The following MAP3K19 variants were observed in gnomAD, a reference collection of about 807,000 sequenced individuals.
MAP3K19 encodes mitogen-activated protein kinase kinase kinase 19.
MAP3K19 carries 91 observed loss-of-function variants against 114.4 expected under a neutral mutation model. That is an observed-to-expected ratio of 0.80 (90% CI 0.67 to 0.95). The LOEUF (loss-of-function observed/expected upper bound fraction) is 0.95. Ranked by LOEUF, MAP3K19 falls within the 40% of genes least tolerant of loss-of-function variation. The pLI, the probability that MAP3K19 is intolerant of heterozygous loss-of-function variation, is 0.00. For synonymous variants in MAP3K19, 518 were observed against 530.5 expected (o/e 0.98, Z 0.32); for missense variants, 1,471 against 1,573.2 (o/e 0.94, Z 1.10).
At position 135,042,515 on chromosome 2, in the gene MAP3K19, A is replaced by AG. The variant is rs1243771193; in HGVS notation, c.-423-2014_-423-2013insC. 4.3e-3 allele frequency among the ~76,000 whole-genome samples: 631 copies of AG among 147,882 alleles called. 4 individuals are homozygous for AG. The highest frequency in any genetic ancestry group is 0.013 in the African/African-American group (518 of 39,876). The stretch of plus-strand genomic sequence containing the variant: ...AGACTCTGTCTCAAAAAAAAAAAAA[A>AG]AAAAGAAAAAAGAAAATTAAAAAGA... On this transcript the variant is annotated intron_variant, in intron 1 of 12. Coordinates refer to ENST00000392915, the MANE Select transcript of MAP3K19 (RefSeq NM_025052.5).
intron 3 of MAP3K19, among the ~76,000 whole-genome samples, chr2:135,028,983 A>G (rs1380062046): frequency 6.6e-6 from 1 of 152,242 alleles, no homozygotes; most frequent in African/African-American, 2.4e-5. Context: ...TAGCATATCA[A>G]TTCAGCATCT....
At chr2:134,979,996 T>C (rs1684520637) in intron 12 of MAP3K19, among the ~76,000 whole-genome samples, 1 of 152,188 alleles carries the variant, frequency 6.6e-6, no homozygotes, top group Non-Finnish European at 1.5e-5. Flanking sequence ...CATCTAGGGA[T>C]AAGAAGGCAA....
At chr2:134,973,957 C>G (rs925079745) in intron 12 of MAP3K19, among the ~76,000 whole-genome samples, 2 of 152,078 alleles carry the variant, frequency 1.3e-5, no homozygotes, top group African/African-American at 2.4e-5. Context: ...GCATTCTTGG[C>G]TGACAGTTTT....
intron 5 of MAP3K19, among the ~76,000 whole-genome samples, chr2:135,011,455 T>A (rs1179212100): frequency 2.7e-5 from 4 of 148,138 alleles, no homozygotes; most frequent in Non-Finnish European, 5.9e-5. Context: ...GAGAATGGCG[T>A]GAACCCGGGA....
chr2:134,988,251 G>A lies in MAP3K19; in HGVS notation c.621C>T (p.Phe207=), dbSNP rs779979247. 6.5e-7 allele frequency: 1 copy of A among 1,541,938 alleles called. No individual in the cohort carries two copies. The highest frequency in any genetic ancestry group is 1.3e-5 in the South Asian group (1 of 78,388). ...GCAAGAGTGACAGTGGTGGCAGAAG[G>A]AACTAAAAGGAAGACAGAAAAAGCT... ...HMKYSGRSIK[F]LLPPLSLLPT... The change falls in exon 10 of 13, where the codon TTC becomes TTT. Residue 207 remains phenylalanine (F), a splice_region_variant and synonymous_variant. Transcript: ENST00000392915.
intron 2 of MAP3K19, among the ~76,000 whole-genome samples, chr2:135,035,619 T>A (rs1449711160): frequency 1.3e-5 from 2 of 152,142 alleles, no homozygotes; most frequent in African/African-American, 4.8e-5. Flanking sequence ...CACATTAATA[T>A]GAATATACAA....
At chr2:134,968,512 A>G (rs1425576281) in intron 12 of MAP3K19, among the ~76,000 whole-genome samples, 52 of 109,106 alleles carry the variant, frequency 4.8e-4, no homozygotes, top group African/African-American at 1.6e-3. Context: ...TCCCTCCCGG[A>G]CGGGGTGGCT....
At chr2:135,044,783 C>T (rs891944288) in intron 1 of MAP3K19, among the ~76,000 whole-genome samples, 33 of 152,190 alleles carry the variant, frequency 2.2e-4, no homozygotes, top group African/African-American at 8.0e-4. Flanking sequence ...CTCTGATCCC[C>T]TCTGCCTGAT....
chr2:134,989,449 G>C (rs1453471579), intron 9 of MAP3K19, among the ~76,000 whole-genome samples: 1 of 152,178 alleles, frequency 6.6e-6, no homozygotes, highest in Non-Finnish European at 1.5e-5. Flanking sequence ...AAGTAGATGA[G>C]ATGTAGTGTA....
At chr2:134,968,147 C>T (rs1683526879) in intron 12 of MAP3K19, among the ~76,000 whole-genome samples, 1 of 152,098 alleles carries the variant, frequency 6.6e-6, no homozygotes, top group Non-Finnish European at 1.5e-5. Context: ...GTGGACACAG[C>T]ACATGTTTCA....
intron 6 of MAP3K19, among the ~76,000 whole-genome samples, chr2:135,004,429 G>C (rs1180224709): frequency 6.6e-6 from 1 of 152,292 alleles, no homozygotes; most frequent in East Asian, 1.9e-4. Flanking sequence ...GGCTGCCCAG[G>C]AGAGGGCAGC....
intron 6 of MAP3K19, among the ~76,000 whole-genome samples, chr2:135,004,834 C>G (rs913856437): frequency 6.6e-6 from 1 of 152,156 alleles, no homozygotes; most frequent in Non-Finnish European, 1.5e-5. Context: ...TACACTCCCC[C>G]ACCTTCCCCT....
intron 3 of MAP3K19, among the ~76,000 whole-genome samples, chr2:135,025,998 A>C (rs1458819006): frequency 1.3e-5 from 2 of 152,202 alleles, no homozygotes; most frequent in Non-Finnish European, 2.9e-5. Flanking sequence ...TTGAATTTGA[A>C]TCTCTTCGTT....
In MAP3K19 at chr2:134,997,820, A is replaced by AAAAACAAAAAAAAAAC. The variant is rs1553542178; in HGVS notation, c.574+917_574+918insGTTTTTTTTTTGTTTT. On this transcript the variant is annotated intron_variant, in intron 8 of 12. Transcript: ENST00000392915. ...GTGACAGAGCGAGACTCCGTCTCAA[A>AAAAACAAAAAAAAAAC]AAAAAAAAAACTTTAAGCACTGCTT... Among the ~76,000 whole-genome samples the AAAAACAAAAAAAAAAC allele has an allele frequency of 2.1e-4, 31 of 148,492 alleles. 1 individual carries two copies. The highest frequency in any genetic ancestry group is 7.6e-4 in the African/African-American group (30 of 39,662).
intron 8 of MAP3K19, among the ~76,000 whole-genome samples, chr2:134,992,335 C>G (rs940728064): frequency 3.9e-5 from 6 of 152,282 alleles, no homozygotes; most frequent in Non-Finnish European, 7.4e-5. Flanking sequence ...GTGAGGAAGA[C>G]TCACCTAGGG....
chr2:134,980,735 T>C lies in MAP3K19; in HGVS notation c.3920+86A>G, dbSNP rs908227769. ...TGACTTCATAACCAAAACAGAGCTTTTAATGGGCCATAAATTGAAAGGGAA... is the reference window on the plus strand; with the variant it reads ...TGACTTCATAACCAAAACAGAGCTTCTAATGGGCCATAAATTGAAAGGGAA... On this transcript the variant is annotated intron_variant, in intron 12 of 12. Transcript: ENST00000392915. The C allele has an allele frequency of 4.7e-6, 6 of 1,263,814 alleles. No individual in the cohort carries two copies. The African/African-American group carries it at 9.0e-5, about 19-fold the overall frequency. The allele number at this position is 1,263,814 out of a possible 1,614,324, so 78.3% of individuals were successfully genotyped here. A position where few individuals can be genotyped will look rare whatever the true frequency, so the allele number is the denominator to read the frequency against.
chr2:135,010,158 T>G (rs988284439), intron 5 of MAP3K19, among the ~76,000 whole-genome samples: 1 of 151,628 alleles, frequency 6.6e-6, no homozygotes, highest in Non-Finnish European at 1.5e-5. Flanking sequence ...TACTCAAACC[T>G]AATTGATAAG....
rs1408185063 is a variant in MAP3K19, at chr2:135,047,405, T to A, written c.-644A>T. 1 of 152,224 alleles carries A rather than the reference T, an allele frequency of 6.6e-6. No individual in the cohort carries two copies. The highest frequency in any genetic ancestry group is 1.5e-5 in the Non-Finnish European group (1 of 68,036). The allele number at this position is 152,224 out of a possible 1,614,324, so 9.4% of individuals were successfully genotyped here. Reference sequence around the variant, plus strand: ...TTTTAAATTTTGTCTTTAATTAAGCTGGTCCTGCATGCACAAACCCTTTAG... The same window carrying A: ...TTTTAAATTTTGTCTTTAATTAAGCAGGTCCTGCATGCACAAACCCTTTAG... On this transcript the variant is annotated 5_prime_UTR_variant, in exon 1 of 13. Coordinates refer to ENST00000392915, the MANE Select transcript of MAP3K19 (RefSeq NM_025052.5).
rs200164509 is a variant in MAP3K19, at chr2:134,986,824, G to T, written c.2048C>A (p.Thr683Lys). 13 of 1,614,026 alleles carry T rather than the reference G, an allele frequency of 8.1e-6. No individual in the cohort carries two copies. The highest frequency in any genetic ancestry group is 1.7e-5 in the Admixed American group (1 of 59,992). ...AGCCGAACATATCTCACGGTAATAC[G>T]TGTTTTCATCCCTTTCAGTCTCTCG... ...HVRETERDENTYYREICSAPS... is the reference protein window; with the variant it reads ...HVRETERDENKYYREICSAPS... Residue 683 changes from threonine (T) to lysine (K), a missense_variant, in exon 10 of 13, where the codon ACG (threonine) becomes AAG (lysine). Physicochemically the swap from Thr to Lys is moderately conservative, Grantham distance 78. Coordinates refer to ENST00000392915, the MANE Select transcript of MAP3K19 (RefSeq NM_025052.5).
Sources: allele counts gnomAD v4.1 joint callset (sites outside exome capture counted in the v4.1 genomes callset), GRCh38; gene constraint gnomAD v4.1.1; transcripts MANE v1.5; gene names NCBI Gene and HGNC (gene_info 2026-07-23, HGNC 2026-07-21).